The following RAB1A variants were observed in gnomAD, a reference collection of about 807,000 sequenced individuals.
The protein encoded by RAB1A is RAB1A, member RAS oncogene family.
In RAB1A, 2 loss-of-function variants were observed where a neutral mutation model predicts 26.0. That is an observed-to-expected ratio of 0.08 (90% CI 0.03 to 0.24). The LOEUF (loss-of-function observed/expected upper bound fraction) is 0.24, where lower values mean the gene tolerates loss of function less well. RAB1A is among the 10% of genes least tolerant of loss of function. The pLI is 1.00. For synonymous variants in RAB1A, 84 were observed against 84.9 expected (o/e 0.99, Z 0.06); for missense variants, 100 against 247.0 (o/e 0.40, Z 3.99).
intron 1 of RAB1A, among the ~76,000 whole-genome samples, chr2:65,125,421 TTC>T (rs1670074873): frequency 1.3e-5 from 2 of 149,430 alleles, no homozygotes; most frequent in African/African-American, 5.0e-5. Context: ...AAGTATTTCT[TTC>T]TTTTTTTTTT....
At chr2:65,115,309 A>G (rs1669800057) in intron 1 of RAB1A, among the ~76,000 whole-genome samples, 1 of 152,204 alleles carries the variant, frequency 6.6e-6, no homozygotes, top group Non-Finnish European at 1.5e-5. Flanking sequence ...AATAAATCTT[A>G]AGGGAAAATT....
At chr2:65,112,911 A>G (rs111288845) in intron 1 of RAB1A, among the ~76,000 whole-genome samples, 3 of 152,328 alleles carry the variant, frequency 2.0e-5, no homozygotes, top group African/African-American at 7.2e-5. Flanking sequence ...CATGAAGTTA[A>G]ATGACTGATG....
intron 2 of RAB1A, among the ~76,000 whole-genome samples, chr2:65,099,801 T>G (rs891503763): frequency 1.3e-5 from 2 of 152,128 alleles, no homozygotes; most frequent in African/African-American, 4.8e-5. Context: ...TAATTTAAAT[T>G]TAAATAGCTA....
intron 1 of RAB1A, among the ~76,000 whole-genome samples, chr2:65,123,169 ATTT>A (rs571655114): frequency 5.9e-5 from 8 of 136,044 alleles, no homozygotes; most frequent in African/African-American, 1.7e-4. Flanking sequence ...ACATACGTAA[ATTT>A]TTTTTTTTTT....
chr2:65,107,222 C>T (rs1669582620), intron 1 of RAB1A, among the ~76,000 whole-genome samples: 1 of 152,026 alleles, frequency 6.6e-6, no homozygotes, highest in Admixed American at 6.6e-5. Context: ...TGTGCTAACA[C>T]ACCCAGCTAA....
rs560743397 is a variant in RAB1A, at chr2:65,089,138, G to A, written c.289-68C>T. 1.1e-4 allele frequency: 148 copies of A among 1,388,226 alleles called. No individual in the cohort carries two copies. In the African/African-American group the frequency reaches 1.7e-3, roughly 16 times the overall value. 86.0% of individuals were successfully genotyped at this position (1,388,226 alleles called of 1,614,324 possible). A position where few individuals can be genotyped will look rare whatever the true frequency, so the allele number is the denominator to read the frequency against. On this transcript the variant is annotated intron_variant, in intron 4 of 5. Transcript: ENST00000409784. ...TAGTTCTGGAATAAACAGAAACATCGTTCCTGACCTAACAGACAAATAACA... is the reference window on the plus strand; with the variant it reads ...TAGTTCTGGAATAAACAGAAACATCATTCCTGACCTAACAGACAAATAACA...
At chr2:65,129,840 G>T in intron 1 of RAB1A, 53 bp downstream of exon 1, 1 of 1,569,410 alleles carries the variant, frequency 6.4e-7, no homozygotes, top group Non-Finnish European at 8.6e-7. Flanking sequence ...ACCCCTTTAA[G>T]ATCCCCCAAG....
chr2:65,113,258 T>C (rs1372381034), intron 1 of RAB1A, among the ~76,000 whole-genome samples: 1 of 152,194 alleles, frequency 6.6e-6, no homozygotes, highest in East Asian at 1.9e-4. Context: ...TCGGTACATA[T>C]ATGTACATTT....
chr2:65,126,206 C>G (rs1272788631), intron 1 of RAB1A, among the ~76,000 whole-genome samples: 1 of 151,792 alleles, frequency 6.6e-6, no homozygotes, highest in East Asian at 1.9e-4. Context: ...CCCAGCTACT[C>G]AGGAGACCAA....
At chr2:65,101,819 G>A (rs956250287) in intron 2 of RAB1A, among the ~76,000 whole-genome samples, 3 of 132,670 alleles carry the variant, frequency 2.3e-5, no homozygotes, top group Non-Finnish European at 4.6e-5. Flanking sequence ...GTGCGATCTC[G>A]ACTCACCACA....
intron 5 of RAB1A, 59 bp downstream of exon 5, chr2:65,088,880 G>T: frequency 6.6e-7 from 1 of 1,516,524 alleles, no homozygotes; most frequent in South Asian, 1.2e-5. Context: ...TGTTACTGCA[G>T]AACCCATACA....
chr2:65,089,362 G>A (rs2103819662), intron 4 of RAB1A, among the ~76,000 whole-genome samples: 1 of 151,998 alleles, frequency 6.6e-6, no homozygotes, highest in Non-Finnish European at 1.5e-5. Context: ...ACAGGCACAT[G>A]CCACCACACC....
At chr2:65,107,416 T>C (rs1300648037) in intron 1 of RAB1A, among the ~76,000 whole-genome samples, 19 of 152,102 alleles carry the variant, frequency 1.2e-4, no homozygotes, top group Admixed American at 1.2e-3. Context: ...GAGTATATGT[T>C]AAGAATTTAC....
At chr2:65,099,811 A>G (rs1408258946) in intron 2 of RAB1A, among the ~76,000 whole-genome samples, 1 of 152,166 alleles carries the variant, frequency 6.6e-6, no homozygotes, top group African/African-American at 2.4e-5. Flanking sequence ...TTAAATAGCT[A>G]CATAGAGCTA....
chr2:65,108,376 G>GAA (rs386390349), intron 1 of RAB1A, among the ~76,000 whole-genome samples: 3 of 148,704 alleles, frequency 2.0e-5, no homozygotes, highest in Non-Finnish European at 4.5e-5. Flanking sequence ...AAAAAAGAAA[G>GAA]AAAGAAACAT....
chr2:65,088,435 T>A lies in RAB1A; in HGVS notation c.*58A>T. On this transcript the variant is annotated 3_prime_UTR_variant, in exon 6 of 6. Coordinates refer to ENST00000409784, the MANE Select transcript of RAB1A (RefSeq NM_004161.5). ...ACAGTACAATTCAGGCAATTTTGTTTTTTCACTTGGGTTCAGATTGCAAAT... is the reference window on the plus strand; with the variant it reads ...ACAGTACAATTCAGGCAATTTTGTTATTTCACTTGGGTTCAGATTGCAAAT... The A allele has an allele frequency of 6.8e-7, 1 of 1,469,558 alleles. No individual in the cohort carries two copies. The highest frequency in any genetic ancestry group is 1.3e-5 in the South Asian group (1 of 75,552). The allele number at this position is 1,469,558 out of a possible 1,614,324, so 91.0% of individuals were successfully genotyped here. A position where few individuals can be genotyped will look rare whatever the true frequency, so the allele number is the denominator to read the frequency against.
At chr2:65,122,155 CAAAAAAAAAAAAAAA>C (rs57590844) in intron 1 of RAB1A, among the ~76,000 whole-genome samples, 2 of 31,712 alleles carry the variant, frequency 6.3e-5, no homozygotes, top group Admixed American at 4.3e-4. Context: ...GACTCTATCT[CAAAAAAAAAAAAAAA>C]AAAAAAAAAA....
At chr2:65,120,286 T>C (rs1038168356) in intron 1 of RAB1A, among the ~76,000 whole-genome samples, 20 of 151,784 alleles carry the variant, frequency 1.3e-4, no homozygotes, top group African/African-American at 4.8e-4. Flanking sequence ...TGAAACTCCG[T>C]CTTTACTATA....
chr2:65,101,699 G>T (rs888136356), intron 2 of RAB1A, among the ~76,000 whole-genome samples: 3 of 134,808 alleles, frequency 2.2e-5, no homozygotes, highest in Non-Finnish European at 3.1e-5. Flanking sequence ...ATAAAGTTGA[G>T]CCTTTTTTTT....
Sources: gnomAD v4.1 joint callset for allele counts (sites outside exome capture counted in the v4.1 genomes callset) on GRCh38, gnomAD v4.1.1 for gene constraint, MANE v1.5 for transcripts, NCBI Gene and HGNC (gene_info 2026-07-23, HGNC 2026-07-21) for gene names.